CXADR: variants seen among roughly 807,000 people sequenced by gnomAD.
The protein encoded by CXADR is coxsackievirus and adenovirus receptor.
In CXADR, 20 loss-of-function variants were observed where a neutral mutation model predicts 40.3. That is an observed-to-expected ratio of 0.50 (90% CI 0.35 to 0.72). The LOEUF (loss-of-function observed/expected upper bound fraction) is 0.72, where lower values mean the gene tolerates loss of function less well. Among genes scored for constraint, CXADR ranks in the 30% least tolerant of loss-of-function variants. CXADR has a pLI of 0.01. For missense variants in CXADR, 332 were observed against 449.1 expected, an observed-to-expected ratio of 0.74 and a Z score of 2.36; for synonymous variants, 150 against 161.3, an observed-to-expected ratio of 0.93 and a Z score of 0.53.
chr21:17,548,211 A>T (rs1434769877), intron 2 of CXADR, among the ~76,000 whole-genome samples: 7 of 152,186 alleles, frequency 4.6e-5, no homozygotes, highest in Non-Finnish European at 1.0e-4. Flanking sequence ...AGTTACAAGT[A>T]ACATCCTTCC....
chr21:17,539,251 C>A (rs1433461524), intron 1 of CXADR, among the ~76,000 whole-genome samples: 1 of 152,154 alleles, frequency 6.6e-6, no homozygotes, highest in East Asian at 1.9e-4. Flanking sequence ...GGTCCCCCTG[C>A]CTCCAAATCA....
chr21:17,575,000 CATACATACATACATACAT>C (rs1395266594), downstream of CXADR, among the ~76,000 whole-genome samples: 4 of 9,136 alleles, frequency 4.4e-4, no homozygotes, highest in East Asian at 1.0e-3. Context: ...TATACACACA[CATACATACATACATACAT>C]ACATACATAC....
intron 4 of CXADR, among the ~76,000 whole-genome samples, chr21:17,559,677 T>TG (rs1569128141): frequency 3.6e-4 from 52 of 146,098 alleles, no homozygotes; most frequent in South Asian, 2.9e-3. Flanking sequence ...GGGTTTTTTT[T>TG]TTTTTTTTTT....
the CXADR span, among the ~76,000 whole-genome samples, chr21:17,625,107 G>C: frequency 6.6e-6 from 1 of 151,874 alleles, no homozygotes; most frequent in Non-Finnish European, 1.5e-5. Context: ...TCTTGTACTT[G>C]GTAAAATGTT....
chr21:17,597,728 G>GA (rs1365960769), downstream of CXADR, among the ~76,000 whole-genome samples: 1 of 16,276 alleles, frequency 6.1e-5, no homozygotes, highest in Non-Finnish European at 1.1e-4. Context: ...ATTCAACTGA[G>GA]AAAAAAATGA....
At chr21:17,555,589 T>C (rs1376681523) in intron 3 of CXADR, among the ~76,000 whole-genome samples, 1 of 152,192 alleles carries the variant, frequency 6.6e-6, no homozygotes, top group Non-Finnish European at 1.5e-5. Flanking sequence ...CTTTTTGTAC[T>C]AGGATTGCAT....
intron 3 of CXADR, among the ~76,000 whole-genome samples, chr21:17,552,950 TCA>T (rs2123274289): frequency 6.6e-6 from 1 of 152,214 alleles, no homozygotes; most frequent in Non-Finnish European, 1.5e-5. Flanking sequence ...TGAGATGGAG[TCA>T]CACTCTGTTA....
rs546589487 is a variant in CXADR at position 17,536,207 on chromosome 21, AT to A, written c.44-10819del. On this transcript the variant is annotated intron_variant, in intron 1 of 6. Transcript: ENST00000284878. ...GAATACGTAGTTGTGATTTTAGAGTATCCACAATAAAAGTTTTTCTTAACAT... is the reference window on the plus strand; with the variant it reads ...GAATACGTAGTTGTGATTTTAGAGTACCACAATAAAAGTTTTTCTTAACAT... Among the ~76,000 whole-genome samples, 240 of 152,328 alleles carry A rather than the reference AT, an allele frequency of 1.6e-3. 1 individual carries two copies. Among genetic ancestry groups the A allele is most frequent in the African/African-American group, 5.6e-3 (233 of 41,564 alleles).
At chr21:17,604,067 C>A in the CXADR span, 200,030 of 1,173,016 alleles carry the variant, frequency 0.17, 17,974 homozygotes, top group East Asian at 0.22. Flanking sequence ...TGATCTTTCA[C>A]AACTCTATTC....
chr21:17,627,248 C>G, the CXADR span, among the ~76,000 whole-genome samples: 1 of 152,106 alleles, frequency 6.6e-6, no homozygotes, highest in Non-Finnish European at 1.5e-5. Context: ...CCCCACTACT[C>G]AGGAGGCTGA....
At chr21:17,563,809 C>T (rs1003760588) in intron 6 of CXADR, among the ~76,000 whole-genome samples, 5 of 150,746 alleles carry the variant, frequency 3.3e-5, no homozygotes, top group Non-Finnish European at 5.9e-5. Context: ...GGTGCAGTGG[C>T]GGGCGCCTGT....
chr21:17,563,857 C>T (rs919159961), intron 6 of CXADR, among the ~76,000 whole-genome samples: 3 of 140,736 alleles, frequency 2.1e-5, no homozygotes, highest in African/African-American at 5.3e-5. Context: ...AAGAGAATGG[C>T]GTGAACCCGG....
At chr21:17,571,231 T>C (rs562558086), downstream of CXADR, among the ~76,000 whole-genome samples, 5 of 152,298 alleles carry the variant, frequency 3.3e-5, no homozygotes, top group South Asian at 2.1e-4. Flanking sequence ...TCACTTTGCT[T>C]CAGTTTCCTA....
At chr21:17,561,911 T>C (rs2061127519) in intron 6 of CXADR, among the ~76,000 whole-genome samples, 1 of 152,220 alleles carries the variant, frequency 6.6e-6, no homozygotes, top group Non-Finnish European at 1.5e-5. Context: ...GAAGTGTGCA[T>C]ATTAGATAAT....
At chr21:17,597,623 T>C (rs986926357), downstream of CXADR, among the ~76,000 whole-genome samples, 6 of 152,074 alleles carry the variant, frequency 3.9e-5, no homozygotes, top group Middle Eastern at 6.9e-3. Context: ...GCCAGGTACA[T>C]GTTATATACA....
exon 8 of CXADR, chr21:17,593,290 CAGAGATT>C (rs1387847175): frequency 9.1e-7 from 1 of 1,104,590 alleles, no homozygotes; most frequent in Non-Finnish European, 1.2e-6. Flanking sequence ...GCACAAGGCA[CAGAGATT>C]AGAGCAGCTG....
At chr21:17,621,789 A>G in the CXADR span, among the ~76,000 whole-genome samples, 4 of 152,212 alleles carry the variant, frequency 2.6e-5, no homozygotes, top group Admixed American at 2.0e-4. Flanking sequence ...ACTGTGAGAA[A>G]TAAATTTCTG....
At chr21:17,547,686 A>C (rs1444595261) in intron 2 of CXADR, among the ~76,000 whole-genome samples, 5 of 152,234 alleles carry the variant, frequency 3.3e-5, no homozygotes, top group Non-Finnish European at 5.9e-5. Context: ...ATAGTATTAC[A>C]GTCTATTTTC....
chr21:17,524,575 C>CAAAAAAAAAAAAAAAAA (rs71189539), intron 1 of CXADR, among the ~76,000 whole-genome samples: 1 of 43,828 alleles, frequency 2.3e-5, no homozygotes, highest in Non-Finnish European at 3.7e-5. Context: ...GACTCTATCT[C>CAAAAAAAAAAAAAAAAA]AAAAAAAAAA....
Sources: allele counts gnomAD v4.1 joint callset (sites outside exome capture counted in the v4.1 genomes callset), GRCh38; gene constraint gnomAD v4.1.1; transcripts MANE v1.5; gene names NCBI Gene and HGNC (gene_info 2026-07-23, HGNC 2026-07-21).